RGS9: variants seen among roughly 807,000 people sequenced by gnomAD.
The protein encoded by RGS9 is regulator of G protein signaling 9.
Under a neutral mutation model 102.0 loss-of-function variants are expected in RGS9, and 78 were observed. That is an observed-to-expected ratio of 0.76 (90% CI 0.64 to 0.92). The LOEUF (loss-of-function observed/expected upper bound fraction) is 0.92, where lower values mean the gene tolerates loss of function less well. Ranked by LOEUF, RGS9 falls within the 40% of genes least tolerant of loss-of-function variation. The pLI is 0.00. For missense variants in RGS9, 833 were observed against 866.1 expected, an observed-to-expected ratio of 0.96 and a Z score of 0.48; for synonymous variants, 353 against 318.6, an observed-to-expected ratio of 1.11 and a Z score of -1.15.
In RGS9 at chr17:65,185,397, T is replaced by C. The variant is rs189509854; in HGVS notation, c.655-3889T>C. On this transcript the variant is annotated intron_variant, in intron 9 of 18. Transcript: ENST00000262406. The stretch of plus-strand genomic sequence containing the variant: ...AAGCAATGCCTCCATATGTGGCCAG[T>C]ACTCAACTCACTGTACTTGTGAGCG... 1.8e-3 allele frequency: 270 copies of C among 152,746 alleles called. 1 individual carries two copies. The highest frequency in any genetic ancestry group is 2.5e-3 in the Non-Finnish European group (169 of 68,038). The allele number at this position is 152,746 out of a possible 1,614,324, so 9.5% of individuals were successfully genotyped here. A position where few individuals can be genotyped will look rare whatever the true frequency, so the allele number is the denominator to read the frequency against.
intron 15 of RGS9, among the ~76,000 whole-genome samples, chr17:65,205,648 G>T (rs1444674016): frequency 2.0e-5 from 3 of 151,736 alleles, no homozygotes; most frequent in African/African-American, 7.3e-5. Context: ...TCTGATATAG[G>T]TTATGTGATA....
Position 65,190,079 on chromosome 17 carries a change from C to T in RGS9, c.685-96C>T, listed in dbSNP as rs1912307606. ...GCTCTGGGCATGGAACGGGATGTGG[C>T]TCTGGGTAAATGGCTTCTGGGTTTG... On this transcript the variant is annotated intron_variant, in intron 10 of 18. Coordinates refer to ENST00000262406, the MANE Select transcript of RGS9 (RefSeq NM_003835.4). The T allele has an allele frequency of 1.8e-5, 18 of 993,650 alleles. 1 individual carries two copies. In the South Asian group the frequency reaches 2.3e-4, roughly 13 times the overall value. 61.6% of individuals were successfully genotyped at this position (993,650 alleles called of 1,614,324 possible).
intron 12 of RGS9, 149 bp downstream of exon 12, chr17:65,193,805 C>CA (rs1188932068): frequency 1.6e-6 from 1 of 644,068 alleles, no homozygotes; most frequent in Non-Finnish European, 2.8e-6. Flanking sequence ...GTTCATTACA[C>CA]AAAAAAGAAA....
chr17:65,202,773 T>C (rs559297973), intron 14 of RGS9, among the ~76,000 whole-genome samples: 19 of 151,952 alleles, frequency 1.3e-4, no homozygotes, highest in Non-Finnish European at 1.6e-4. Flanking sequence ...GAGGGGAAGG[T>C]GTGATGAGGC....
intron 1 of RGS9, among the ~76,000 whole-genome samples, chr17:65,150,553 C>T (rs150110151): frequency 0.014 from 2,101 of 152,114 alleles, 53 homozygotes; most frequent in African/African-American, 0.047. Flanking sequence ...ACTCGGGAGG[C>T]GGAGATTGCA....
At chr17:65,174,629 ATG>A (rs1277984621) in intron 8 of RGS9, among the ~76,000 whole-genome samples, 2 of 151,666 alleles carry the variant, frequency 1.3e-5, no homozygotes, top group Non-Finnish European at 2.9e-5. Flanking sequence ...GTAAACATAT[ATG>A]TGTCAGTATG....
In RGS9 at chr17:65,163,084, G is replaced by A. The variant is rs147874330; in HGVS notation, c.495G>A (p.Gln165=). The change falls in exon 7 of 19, where the codon CAG becomes CAA. Residue 165 remains glutamine (Q), a synonymous_variant. Coordinates refer to ENST00000262406, the MANE Select transcript of RGS9 (RefSeq NM_003835.4). ...WDFVIMQAKE[Q]YRAGKERNKA... ...TTGTCATTATGCAGGCCAAAGAGCA[G>A]TACAGGTGAGTGAAAGGAGACCATG... is the stretch of plus-strand genomic sequence containing the variant. The A allele has an allele frequency of 4.7e-3, 7,431 of 1,584,642 alleles. 34 individuals carry two copies. Among genetic ancestry groups the A allele is most frequent in the Middle Eastern group, 8.8e-3 (53 of 6,022 alleles).
At chr17:65,200,176 C>T (rs537038951) in intron 13 of RGS9, among the ~76,000 whole-genome samples, 25 of 152,120 alleles carry the variant, frequency 1.6e-4, no homozygotes, top group African/African-American at 5.8e-4. Flanking sequence ...GGATTAGAGG[C>T]GCCCGCCACC....
intron 17 of RGS9, among the ~76,000 whole-genome samples, chr17:65,214,850 G>A (rs975310382): frequency 1.1e-4 from 16 of 152,156 alleles, no homozygotes; most frequent in African/African-American, 3.6e-4. Flanking sequence ...ATGTGGACTC[G>A]TTACTGCAGT....
chr17:65,204,651 T>G (rs1175293146), intron 15 of RGS9, among the ~76,000 whole-genome samples: 1 of 152,188 alleles, frequency 6.6e-6, no homozygotes, highest in Non-Finnish European at 1.5e-5. Flanking sequence ...CCCACGGGCC[T>G]AGAGGAACTC....
At chr17:65,198,282 G>A in intron 13 of RGS9, among the ~76,000 whole-genome samples, 1 of 150,652 alleles carries the variant, frequency 6.6e-6, no homozygotes, top group Non-Finnish European at 1.5e-5. Flanking sequence ...TTGATATGGA[G>A]TCTCGCTCTG....
At position 65,215,485 on chromosome 17, in the gene RGS9, T is replaced by TTTCG. The variant is rs758512054; in HGVS notation, c.1407+4884_1407+4887dup. 1.1e-3 allele frequency among the ~76,000 whole-genome samples: 139 copies of TTTCG among 125,178 alleles called. 1 individual carries two copies. The highest frequency in any genetic ancestry group is 4.1e-3 in the African/African-American group (122 of 30,066). The allele number at this position is 125,178 out of a possible 152,430, so 82.1% of individuals were successfully genotyped here. A position where few individuals can be genotyped will look rare whatever the true frequency, so the allele number is the denominator to read the frequency against. ...TTCTTTCTTTCTTTCTCTATCTTTC[T>TTTCG]TTCGTTCTTTCGTTCTTTCTTTCTT... On this transcript the variant is annotated intron_variant, in intron 17 of 18. Transcript: ENST00000262406.
chr17:65,215,705 C>G (rs1913502616), intron 17 of RGS9, among the ~76,000 whole-genome samples: 1 of 127,164 alleles, frequency 7.9e-6, no homozygotes, highest in Non-Finnish European at 1.6e-5. Flanking sequence ...GGATTACAGG[C>G]ACCCACCACC....
chr17:65,189,351 T>C (rs1211790267), intron 10 of RGS9, 36 bp downstream of exon 10: 1 of 1,511,586 alleles, frequency 6.6e-7, no homozygotes, highest in Non-Finnish European at 9.2e-7. Flanking sequence ...AGAATGGTTT[T>C]AAATCTTCTA....
At chr17:65,155,435 T>C (rs933738600) in intron 2 of RGS9, among the ~76,000 whole-genome samples, 1 of 152,244 alleles carries the variant, frequency 6.6e-6, no homozygotes, top group African/African-American at 2.4e-5. Flanking sequence ...AGTCACTTAT[T>C]GTCTGTCCTT....
chr17:65,199,019 G>A (rs533933342), intron 13 of RGS9, among the ~76,000 whole-genome samples: 7 of 152,226 alleles, frequency 4.6e-5, no homozygotes, highest in African/African-American at 1.7e-4. Context: ...AGAATCCAGC[G>A]AAAAGATTTC....
chr17:65,191,734 A>C (rs960530577), intron 11 of RGS9, among the ~76,000 whole-genome samples: 2 of 152,288 alleles, frequency 1.3e-5, no homozygotes, highest in Middle Eastern at 6.8e-3. Context: ...GAGACAGAGC[A>C]AGACTTTGTC....
Position 65,149,128 on chromosome 17 carries a change from G to GT in RGS9, c.58-4284dup, listed in dbSNP as rs1190072448. On this transcript the variant is annotated intron_variant, in intron 1 of 18. Coordinates refer to ENST00000262406, the MANE Select transcript of RGS9 (RefSeq NM_003835.4). ...AGGCGCCCGCCACCATGCCCGGCTA[G>GT]TTTTTTTTTTGTTGTTGTTATGTTT... 1.8e-3 allele frequency among the ~76,000 whole-genome samples: 263 copies of GT among 144,970 alleles called. 1 individual carries two copies. Among genetic ancestry groups the GT allele is most frequent in the Non-Finnish European group, 2.7e-3 (177 of 66,662 alleles).
At chr17:65,193,386 A>AG (rs1190856669) in intron 11 of RGS9, among the ~76,000 whole-genome samples, 157 bp from the exon 12 acceptor site, 1 of 152,198 alleles carries the variant, frequency 6.6e-6, no homozygotes, top group Non-Finnish European at 1.5e-5. Flanking sequence ...GCCAATCCCA[A>AG]GGGTTATTTG....
Sources: gnomAD v4.1 joint callset for allele counts (sites outside exome capture counted in the v4.1 genomes callset) on GRCh38, gnomAD v4.1.1 for gene constraint, MANE v1.5 for transcripts, NCBI Gene and HGNC (gene_info 2026-07-23, HGNC 2026-07-21) for gene names.